ZNF609: variants seen among roughly 807,000 people sequenced by gnomAD.
ZNF609 encodes zinc finger protein 609.
Under a neutral mutation model 109.5 loss-of-function variants are expected in ZNF609, and 11 were observed. The ratio of observed to expected loss-of-function variants is 0.10; its 90% CI spans 0.06 to 0.17. The LOEUF (loss-of-function observed/expected upper bound fraction) is 0.17. ZNF609 is among the 10% of genes least tolerant of loss of function. The pLI is 1.00. For missense variants in ZNF609, 1,559 were observed against 1,772.4 expected (o/e 0.88, Z 2.16); for synonymous variants, 646 against 662.0 (o/e 0.98, Z 0.37).
chr15:64,644,417 G>C (rs1051015433), intron 3 of ZNF609, among the ~76,000 whole-genome samples: 2 of 152,226 alleles, frequency 1.3e-5, no homozygotes, highest in Non-Finnish European at 2.9e-5. Flanking sequence ...GAGCCAAGGA[G>C]TGTGAGGTTA....
rs116539333 is a variant in ZNF609, at chr15:64,469,771, G to A, written c.-128+8933G>A. 6.1e-3 allele frequency among the ~76,000 whole-genome samples: 929 copies of A among 152,318 alleles called. 9 individuals carry two copies. Among genetic ancestry groups the A allele is most frequent in the African/African-American group, 0.021 (873 of 41,556 alleles). On this transcript the variant is annotated intron_variant, in intron 1 of 9. Transcript: ENST00000326648. ...TGGCCTGGCTTGGTGGCTCACGCCT[G>A]TAATCCTAGCACTTTGGGAGGCCGA...
At chr15:64,669,695 TCTCA>T (rs1251342904) in intron 3 of ZNF609, among the ~76,000 whole-genome samples, 12 of 151,830 alleles carry the variant, frequency 7.9e-5, no homozygotes, top group Admixed American at 1.3e-4. Context: ...TGAGACGGAG[TCTCA>T]CTCTGTCACC....
At chr15:64,484,741 C>T (rs527872603) in intron 1 of ZNF609, among the ~76,000 whole-genome samples, 1 of 137,762 alleles carries the variant, frequency 7.3e-6, no homozygotes, top group Non-Finnish European at 1.5e-5. Context: ...TTTGGGAGGC[C>T]GAGGCGGGCG....
chr15:64,674,433 C>G lies in ZNF609; in HGVS notation c.1579C>G (p.Pro527Ala), dbSNP rs1298096701. 6.2e-7 allele frequency: 1 copy of G among 1,614,146 alleles called. No homozygotes were observed. The highest frequency in any genetic ancestry group is 8.5e-7 in the Non-Finnish European group (1 of 1,180,048). Residue 527 changes from proline to alanine, a missense_variant, in exon 5 of 10, where the codon CCG becomes GCG. By Grantham distance (27) the Pro-to-Ala change is conservative. Transcript: ENST00000326648. ...AHAHTDDDSKPEADGDSEYGE... is the reference protein window; with the variant it reads ...AHAHTDDDSKAEADGDSEYGE... Reference sequence around the variant, plus strand: ...TGCCCATACAGATGATGACAGCAAGCCGGAAGCGGATGGGGACAGTGAGTA... The same window carrying G: ...TGCCCATACAGATGATGACAGCAAGGCGGAAGCGGATGGGGACAGTGAGTA...
chr15:64,530,299 C>T (rs186171774), intron 2 of ZNF609, among the ~76,000 whole-genome samples: 5 of 152,294 alleles, frequency 3.3e-5, no homozygotes, highest in African/African-American at 7.2e-5. Context: ...CATGAGCCAC[C>T]GTGCTGGGCC....
At chr15:64,638,506 TACTTAAGCTAGTAA>T (rs1427969559) in intron 3 of ZNF609, among the ~76,000 whole-genome samples, 4 of 152,098 alleles carry the variant, frequency 2.6e-5, no homozygotes, top group Non-Finnish European at 4.4e-5. Flanking sequence ...TTTATCCTTT[TACTTAAGCTAGTAA>T]ACTCAGCAGT....
rs1044448301 is a variant in ZNF609, at chr15:64,490,276, T to G, written c.-127-9017T>G. ...CACTGCACCCGGCCAGTAGTTGTTT[T>G]TTTTTTTTTTTTTCGAGACGGAGTT... On this transcript the variant is annotated intron_variant, in intron 1 of 9. Transcript: ENST00000326648. 2.6e-5 allele frequency among the ~76,000 whole-genome samples: 4 copies of G among 151,062 alleles called. No individual in the cohort carries two copies. In the South Asian group the frequency reaches 8.4e-4, roughly 32 times the overall value.
At chr15:64,531,487 T>C (rs534767572) in intron 2 of ZNF609, among the ~76,000 whole-genome samples, 1 of 152,172 alleles carries the variant, frequency 6.6e-6, no homozygotes, top group East Asian at 1.9e-4. Context: ...AACTTCCGCC[T>C]TCTGGGTTCA....
chr15:64,630,627 C>A (rs1351887409), intron 3 of ZNF609, among the ~76,000 whole-genome samples: 3 of 151,274 alleles, frequency 2.0e-5, no homozygotes, highest in Non-Finnish European at 4.4e-5. Context: ...GTGGTGTGAT[C>A]TTGGCTCACT....
chr15:64,648,025 A>G (rs1262066511), intron 3 of ZNF609, among the ~76,000 whole-genome samples: 1 of 152,188 alleles, frequency 6.6e-6, no homozygotes, highest in Non-Finnish European at 1.5e-5. Flanking sequence ...TAAAATCAAT[A>G]ACCTGCTTCT....
chr15:64,572,801 T>C (rs1192877907), intron 2 of ZNF609, among the ~76,000 whole-genome samples: 1 of 152,102 alleles, frequency 6.6e-6, no homozygotes, highest in African/African-American at 2.4e-5. Flanking sequence ...CTCAGGAAGC[T>C]GAGGCAGGAG....
chr15:64,582,509 G>C (rs1895120905), intron 2 of ZNF609, among the ~76,000 whole-genome samples: 1 of 151,968 alleles, frequency 6.6e-6, no homozygotes, highest in South Asian at 2.1e-4. Context: ...TACTGAACTT[G>C]TATTCATTAT....
intron 3 of ZNF609, among the ~76,000 whole-genome samples, chr15:64,668,441 C>T (rs146641831): frequency 3.3e-5 from 5 of 152,242 alleles, no homozygotes; most frequent in East Asian, 1.9e-4. Context: ...CCAGACATGG[C>T]GCTAAAACTG....
At chr15:64,496,913 A>T (rs1665163613) in intron 1 of ZNF609, among the ~76,000 whole-genome samples, 1 of 152,094 alleles carries the variant, frequency 6.6e-6, no homozygotes, top group Non-Finnish European at 1.5e-5. Flanking sequence ...TCCCAGGCTC[A>T]AGCCATCCTC....
chr15:64,677,414 G>A (rs535445290), intron 5 of ZNF609, among the ~76,000 whole-genome samples: 1 of 152,314 alleles, frequency 6.6e-6, no homozygotes, highest in South Asian at 2.1e-4. Flanking sequence ...GCCCAGACAA[G>A]TTAGCTTAAT....
chr15:64,563,441 A>G (rs1375216449), intron 2 of ZNF609, among the ~76,000 whole-genome samples: 1 of 150,838 alleles, frequency 6.6e-6, no homozygotes, highest in Non-Finnish European at 1.5e-5. Flanking sequence ...GTGGAACAAA[A>G]CCCTGCCTCA....
chr15:64,600,449 CA>C (rs60948226), intron 2 of ZNF609, among the ~76,000 whole-genome samples: 2,859 of 53,786 alleles, frequency 0.053, 83 homozygotes, highest in African/African-American at 0.15. Flanking sequence ...GGCTGTGTCT[CA>C]AAAAAAAAAA....
intron 3 of ZNF609, among the ~76,000 whole-genome samples, chr15:64,662,813 G>A (rs751011188): frequency 3.3e-5 from 5 of 151,940 alleles, no homozygotes; most frequent in Admixed American, 1.3e-4. Context: ...TTACAGGCAC[G>A]CGCCACTACT....
At chr15:64,669,393 G>T (rs1481535271) in intron 3 of ZNF609, among the ~76,000 whole-genome samples, 2 of 152,088 alleles carry the variant, frequency 1.3e-5, no homozygotes, top group Non-Finnish European at 2.9e-5. Flanking sequence ...AAAATATTTG[G>T]GTACATGAAA....
Sources: gnomAD v4.1 joint callset for allele counts (sites outside exome capture counted in the v4.1 genomes callset) on GRCh38, gnomAD v4.1.1 for gene constraint, MANE v1.5 for transcripts, NCBI Gene and HGNC (gene_info 2026-07-23, HGNC 2026-07-21) for gene names.